Variants in ANO3 observed in about 807,000 individuals in gnomAD.
ANO3 encodes the protein anoctamin 3.
Under a neutral mutation model 144.8 loss-of-function variants are expected in ANO3, and 99 were observed. That is an observed-to-expected ratio of 0.68 (90% CI 0.58 to 0.81). The LOEUF is 0.81. Among genes scored for constraint, ANO3 ranks in the 30% least tolerant of loss-of-function variants. The probability of loss-of-function intolerance (pLI) is 0.00; values close to 1 mark genes in which losing one functional copy is unlikely to be tolerated. For synonymous variants in ANO3, 414 were observed against 392.6 expected (o/e 1.05, Z -0.64); for missense variants, 905 against 1,202.2 (o/e 0.75, Z 3.66).
At chr11:26,482,078 C>G (rs1451204121) in intron 4 of ANO3, among the ~76,000 whole-genome samples, 1 of 151,470 alleles carries the variant, frequency 6.6e-6, no homozygotes, top group African/African-American at 2.4e-5. Flanking sequence ...TTAATCTTCT[C>G]TTAGAGACAG....
intron 3 of ANO3, among the ~76,000 whole-genome samples, chr11:26,462,761 A>T (rs771484503): frequency 4.0e-5 from 6 of 151,872 alleles, no homozygotes; most frequent in Non-Finnish European, 8.8e-5. Flanking sequence ...TTTGAAGTAC[A>T]TTGAATAGCA....
rs546836713 is a variant in ANO3, at chr11:26,506,748, C to A, written c.433-1356C>A. Among the ~76,000 whole-genome samples, 194 of 152,280 alleles carry A rather than the reference C, an allele frequency of 1.3e-3. 3 individuals are homozygous for A. The South Asian group carries it at 0.022, about 18-fold the overall frequency. On this transcript the variant is annotated intron_variant, in intron 4 of 26. Coordinates refer to ENST00000256737, the MANE Select transcript of ANO3 (RefSeq NM_031418.4). ...CTGCAGAACTACAGCCAACTAGAAG[C>A]CCCTCAGGCAACCTAACCTGTTGCT... is the stretch of plus-strand genomic sequence containing the variant.
At chr11:26,489,417 C>T (rs1034691524) in intron 4 of ANO3, among the ~76,000 whole-genome samples, 4 of 152,222 alleles carry the variant, frequency 2.6e-5, no homozygotes, top group Non-Finnish European at 5.9e-5. Context: ...AGAACCTCTG[C>T]TAGGGCAGTG....
intron 17 of ANO3, among the ~76,000 whole-genome samples, chr11:26,616,666 T>A (rs1219403088): frequency 6.6e-6 from 1 of 152,244 alleles, no homozygotes; most frequent in Non-Finnish European, 1.5e-5. Flanking sequence ...AATAACTATA[T>A]TCTCAAATAA....
chr11:26,323,246 A>T (rs991551822), intron 1 of ANO3, among the ~76,000 whole-genome samples: 1 of 152,160 alleles, frequency 6.6e-6, no homozygotes, highest in East Asian at 1.9e-4. Flanking sequence ...AGAAACTAAA[A>T]TATGGGGTGC....
chr11:26,369,151 T>G (rs1351024448), intron 1 of ANO3, among the ~76,000 whole-genome samples: 1 of 152,152 alleles, frequency 6.6e-6, no homozygotes, highest in Non-Finnish European at 1.5e-5. Flanking sequence ...TGGGTATGTG[T>G]GTGCATGCAT....
intron 5 of ANO3, among the ~76,000 whole-genome samples, chr11:26,514,226 A>T (rs1861776224): frequency 6.6e-6 from 1 of 152,070 alleles, no homozygotes; most frequent in African/African-American, 2.4e-5. Flanking sequence ...TGCAACACAA[A>T]GGTCTATACA....
At chr11:26,535,135 A>T (rs191915399) in intron 9 of ANO3, among the ~76,000 whole-genome samples, 1 of 152,350 alleles carries the variant, frequency 6.6e-6, no homozygotes, top group Admixed American at 6.5e-5. Context: ...TATATGTCTC[A>T]TGTAATTTCA....
chr11:26,609,678 GT>G (rs149480599), intron 17 of ANO3, among the ~76,000 whole-genome samples: 2,521 of 151,674 alleles, frequency 0.017, 70 homozygotes, highest in African/African-American at 0.057. Context: ...CTTCACTATT[GT>G]AAATTGTGCT....
intron 4 of ANO3, among the ~76,000 whole-genome samples, chr11:26,498,353 G>A (rs888126918): frequency 6.6e-6 from 1 of 151,622 alleles, no homozygotes; most frequent in Non-Finnish European, 1.5e-5. Flanking sequence ...AAATAGTCAC[G>A]CAAGGCTATT....
intron 1 of ANO3, among the ~76,000 whole-genome samples, chr11:26,244,476 G>A (rs548541700): frequency 2.6e-5 from 4 of 152,240 alleles, no homozygotes; most frequent in Middle Eastern, 3.4e-3. Flanking sequence ...CACTACAAAC[G>A]AAACTGCCAA....
intron 1 of ANO3, among the ~76,000 whole-genome samples, chr11:26,257,693 T>C (rs922767524): frequency 6.6e-6 from 1 of 152,076 alleles, no homozygotes; most frequent in Non-Finnish European, 1.5e-5. Flanking sequence ...GAATTTTAAC[T>C]TTATGCTGCT....
At chr11:26,405,325 A>G (rs911897991) in intron 1 of ANO3, among the ~76,000 whole-genome samples, 3 of 151,810 alleles carry the variant, frequency 2.0e-5, no homozygotes, top group Admixed American at 6.6e-5. Flanking sequence ...GTGAGCTTCC[A>G]TTCTTCATCT....
chr11:26,311,978 T>C (rs924880969), intron 1 of ANO3, among the ~76,000 whole-genome samples: 4 of 152,194 alleles, frequency 2.6e-5, no homozygotes, highest in African/African-American at 9.6e-5. Flanking sequence ...TAGGTATATC[T>C]CCTAATTCTA....
chr11:26,449,515 ACACACG>A (rs148135541), intron 3 of ANO3, among the ~76,000 whole-genome samples: 4,307 of 91,404 alleles, frequency 0.047, 80 homozygotes, highest in Middle Eastern at 0.13. Flanking sequence ...ACACACACAC[ACACACG>A]CACGCACATC....
chr11:26,550,284 A>G, intron 12 of ANO3, among the ~76,000 whole-genome samples: 1 of 151,900 alleles, frequency 6.6e-6, no homozygotes, highest in East Asian at 1.9e-4. Context: ...AGTGATGAGA[A>G]CACAGAGTGA....
chr11:26,343,598 G>T (rs1240914793), intron 1 of ANO3, among the ~76,000 whole-genome samples: 6 of 152,038 alleles, frequency 3.9e-5, no homozygotes, highest in Non-Finnish European at 8.8e-5. Flanking sequence ...CATTCTACTT[G>T]CCTGAAGTTA....
intron 26 of ANO3, among the ~76,000 whole-genome samples, chr11:26,659,285 T>C (rs1476750225): frequency 6.6e-6 from 1 of 151,968 alleles, no homozygotes; most frequent in Non-Finnish European, 1.5e-5. Flanking sequence ...CTAATAAGCA[T>C]AGGATTCAGA....
intron 1 of ANO3, among the ~76,000 whole-genome samples, chr11:26,249,869 T>G (rs940206182): frequency 6.6e-6 from 1 of 152,188 alleles, no homozygotes; most frequent in Non-Finnish European, 1.5e-5. Flanking sequence ...ATGCAAAGTC[T>G]TCCGCAGTTC....
Sources: gnomAD v4.1 joint callset for allele counts (sites outside exome capture counted in the v4.1 genomes callset) on GRCh38, gnomAD v4.1.1 for gene constraint, MANE v1.5 for transcripts, NCBI Gene and HGNC (gene_info 2026-07-23, HGNC 2026-07-21) for gene names.